The following FBXL18 variants were observed in gnomAD, a reference collection of about 807,000 sequenced individuals.
FBXL18 encodes the protein F-box and leucine rich repeat protein 18.
A neutral mutation model predicts 46.0 loss-of-function variants in FBXL18; 36 were observed. The ratio of observed to expected loss-of-function variants is 0.78; its 90% CI spans 0.60 to 1.03. The LOEUF is 1.03. Ranked by LOEUF, FBXL18 falls within the 50% of genes least tolerant of loss-of-function variation. FBXL18 has a pLI of 0.00. For synonymous variants in FBXL18, 557 were observed against 465.3 expected (o/e 1.20, Z -2.54); for missense variants, 977 against 1,004.1 (o/e 0.97, Z 0.36).
chr7:5,465,519 G>A (rs1440241246), intron 4 of FBXL18, among the ~76,000 whole-genome samples: 1 of 152,110 alleles, frequency 6.6e-6, no homozygotes, highest in Non-Finnish European at 1.5e-5. Flanking sequence ...CTGTTGCCCA[G>A]GCTGGAGTGC....
At position 5,476,370 on chromosome 7, in the gene FBXL18, C is replaced by A. The variant is rs1157845898; in HGVS notation, c.*5405G>T. On this transcript the variant is annotated 3_prime_UTR_variant, in exon 5 of 5. Transcript: ENST00000382368. Reference sequence around the variant, plus strand: ...AGCTTGGAGAAAAGCCTCCCGGGACCAACCCTCATTCCCAGGTCCACTGAT... The same window carrying A: ...AGCTTGGAGAAAAGCCTCCCGGGACAAACCCTCATTCCCAGGTCCACTGAT... The A allele has an allele frequency of 6.6e-6, 1 of 152,214 alleles. No homozygotes were observed. The highest frequency in any genetic ancestry group is 1.5e-5 in the Non-Finnish European group (1 of 68,058). 9.4% of individuals were successfully genotyped at this position (152,214 alleles called of 1,614,324 possible). A position where few individuals can be genotyped will look rare whatever the true frequency, so the allele number is the denominator to read the frequency against.
At chr7:5,471,771 G>C (rs550679658), downstream of FBXL18, among the ~76,000 whole-genome samples, 1 of 152,330 alleles carries the variant, frequency 6.6e-6, no homozygotes, top group Admixed American at 6.5e-5. Context: ...GACCTTTTCA[G>C]GGCTCTTCGC....
chr7:5,459,606 A>G (rs963395978), intron 4 of FBXL18, among the ~76,000 whole-genome samples: 1 of 151,998 alleles, frequency 6.6e-6, no homozygotes, highest in Non-Finnish European at 1.5e-5. Context: ...CAGGCGTGGT[A>G]GCAGGCGCCT....
At chr7:5,461,629 C>A (rs1160306864) in intron 4 of FBXL18, among the ~76,000 whole-genome samples, 2 of 151,578 alleles carry the variant, frequency 1.3e-5, no homozygotes, top group Non-Finnish European at 2.9e-5. Context: ...GGCAACAGAG[C>A]AAAACTCTGT....
At chr7:5,460,877 G>T (rs1009497682) in intron 4 of FBXL18, among the ~76,000 whole-genome samples, 1 of 152,192 alleles carries the variant, frequency 6.6e-6, no homozygotes, top group Non-Finnish European at 1.5e-5. Context: ...CAGCTGCAAG[G>T]GCGTTCTCAC....
At chr7:5,493,542 G>A (rs1023787785) in intron 3 of FBXL18, among the ~76,000 whole-genome samples, 3 of 152,070 alleles carry the variant, frequency 2.0e-5, no homozygotes, top group East Asian at 1.9e-4. Flanking sequence ...TGCTCCACCC[G>A]CCTCAGCCTC....
rs911221493 is a variant in FBXL18 at position 5,481,779 on chromosome 7, C to T, written c.2153G>A (p.Trp718Ter). 6.2e-7 allele frequency: 1 copy of T among 1,613,382 alleles called. No individual in the cohort carries two copies. Among genetic ancestry groups the T allele is most frequent in the African/African-American group, 1.3e-5 (1 of 74,942 alleles). ...GATGGGCGGCGGCTCCGCCTCTCACCACCACAGGTTCGGCGGTTCCTCGGC... is the reference window on the plus strand; with the variant it reads ...GATGGGCGGCGGCTCCGCCTCTCACTACCACAGGTTCGGCGGTTCCTCGGC... ...RVAEEPPNLWW is the reference protein window; with the variant it reads ...RVAEEPPNLW Residue 718 changes from tryptophan to a stop codon, truncating the protein, a stop_gained, in exon 5 of 5, where the codon TGG (tryptophan) becomes TAG (stop). Transcript: ENST00000382368. LOFTEE classifies it high-confidence loss of function.
chr7:5,510,316 AAAAAAG>A (rs1192601508), intron 1 of FBXL18, among the ~76,000 whole-genome samples: 1 of 150,910 alleles, frequency 6.6e-6, no homozygotes, highest in Non-Finnish European at 1.5e-5. Flanking sequence ...AAAAAAAAAA[AAAAAAG>A]AAAAGAAAAA....
chr7:5,506,593 G>C (rs1288980214), intron 1 of FBXL18, among the ~76,000 whole-genome samples: 1 of 144,926 alleles, frequency 6.9e-6, no homozygotes, highest in Non-Finnish European at 1.5e-5. Context: ...GTCTCACTCT[G>C]TGGCCCAGGC....
intron 4 of FBXL18, among the ~76,000 whole-genome samples, chr7:5,487,881 G>A (rs1783817558): frequency 2.0e-5 from 3 of 149,822 alleles, no homozygotes; most frequent in Non-Finnish European, 4.5e-5. Flanking sequence ...GGTGGGTGGG[G>A]TCACAGAGGG....
At chr7:5,463,702 A>ATATTTATT (rs1349633532) in intron 4 of FBXL18, among the ~76,000 whole-genome samples, 1,478 of 68,606 alleles carry the variant, frequency 0.022, 39 homozygotes, top group South Asian at 0.045. Context: ...AACTATATAT[A>ATATTTATT]TATTTATTTA....
intron 1 of FBXL18, among the ~76,000 whole-genome samples, chr7:5,506,811 C>T (rs780288191): frequency 5.9e-5 from 9 of 152,206 alleles, no homozygotes; most frequent in South Asian, 4.1e-4. Context: ...CCCTCCACAA[C>T]GCTAGCCTTT....
intron 4 of FBXL18, chr7:5,489,122 C>T: frequency 2.7e-6 from 1 of 368,570 alleles, no homozygotes; most frequent in Non-Finnish European, 5.3e-6. Flanking sequence ...GTTTTTAAAA[C>T]CGCCATGAAC....
chr7:5,481,505 A>C lies in FBXL18; in HGVS notation c.*270T>G. Reference sequence around the variant, plus strand: ...TATACAAACCCCCCAGCCAGGCCCCAAGGGTCAGCCTGGTTCAGCCAGCCC... The same window carrying C: ...TATACAAACCCCCCAGCCAGGCCCCCAGGGTCAGCCTGGTTCAGCCAGCCC... On this transcript the variant is annotated 3_prime_UTR_variant, in exon 5 of 5. Transcript: ENST00000382368. The C allele has an allele frequency of 1.7e-5, 6 of 352,760 alleles. No homozygotes were observed. Among genetic ancestry groups the C allele is most frequent in the South Asian group, 8.9e-5 (3 of 33,812 alleles). 21.9% of individuals were successfully genotyped at this position (352,760 alleles called of 1,614,324 possible).
chr7:5,462,031 C>T (rs1396528221), intron 4 of FBXL18, among the ~76,000 whole-genome samples: 2 of 152,036 alleles, frequency 1.3e-5, no homozygotes, highest in African/African-American at 4.8e-5. Flanking sequence ...CACCTGAGGT[C>T]GAGTTCGAGA....
chr7:5,513,544 G>T (rs1458059584), intron 1 of FBXL18, 113 bp downstream of exon 1: 2 of 1,203,830 alleles, frequency 1.7e-6, no homozygotes, highest in East Asian at 5.0e-5. Flanking sequence ...AGGACGGGGC[G>T]GGGTAGGGGT....
chr7:5,469,454 G>C (rs1783394381), intron 4 of FBXL18, among the ~76,000 whole-genome samples: 1 of 152,106 alleles, frequency 6.6e-6, no homozygotes, highest in Non-Finnish European at 1.5e-5. Flanking sequence ...GAGCATGTGT[G>C]TGCTACATGA....
In FBXL18 at chr7:5,468,679, C is replaced by A. The variant is rs544065343; in HGVS notation, c.2001-20836G>T. Among the ~76,000 whole-genome samples the A allele has an allele frequency of 2.6e-5, 4 of 152,262 alleles. No individual in the cohort carries two copies. In the South Asian group the frequency reaches 8.3e-4, roughly 32 times the overall value. ...GTGCAGTGGTGATCTTGGCTCTCTG[C>A]AGACAACAACTCCTGGGCTCAAACG... On this transcript the variant is annotated intron_variant and NMD_transcript_variant, in intron 4 of 6. Transcript: ENST00000415009.
chr7:5,512,158 T>C lies in FBXL18; in HGVS notation c.18+1499A>G, dbSNP rs554449262. On this transcript the variant is annotated intron_variant, in intron 1 of 4. Transcript: ENST00000382368. ...TACTCGGGAGGCTGAGGCAGAAGAA[T>C]GGCATGAACCCGGGAGGCGGAGCTT... Among the ~76,000 whole-genome samples the C allele has an allele frequency of 3.7e-4, 54 of 146,728 alleles. 1 individual carries two copies. The East Asian group carries it at 0.01, about 28-fold the overall frequency.
Sources: gnomAD v4.1 joint callset for allele counts (sites outside exome capture counted in the v4.1 genomes callset) on GRCh38, gnomAD v4.1.1 for gene constraint, MANE v1.5 for transcripts, NCBI Gene and HGNC (gene_info 2026-07-23, HGNC 2026-07-21) for gene names.